The following PCNX2 variants were observed in gnomAD, a reference collection of about 807,000 sequenced individuals.
The protein encoded by PCNX2 is pecanex-like protein 2.
PCNX2 carries 168 observed loss-of-function variants against 223.8 expected under a neutral mutation model. The observed-to-expected ratio is 0.75, with a 90% CI of 0.66 to 0.85. The LOEUF (loss-of-function observed/expected upper bound fraction) is 0.85, where lower values mean the gene tolerates loss of function less well. Ranked by LOEUF, PCNX2 falls within the 40% of genes least tolerant of loss-of-function variation. The pLI is 0.00. For synonymous variants in PCNX2, 1,006 were observed against 1,052.6 expected (o/e 0.96, Z 0.86); for missense variants, 2,507 against 2,675.5 (o/e 0.94, Z 1.39).
chr1:233,177,811 T>C lies in PCNX2; in HGVS notation c.3264A>G (p.Lys1088=). The C allele has an allele frequency of 6.2e-7, 1 of 1,613,060 alleles. No individual in the cohort carries two copies. Among genetic ancestry groups the C allele is most frequent in the Non-Finnish European group, 8.5e-7 (1 of 1,179,076 alleles). Reference sequence around the variant, plus strand: ...AACGCAAATGTCTCACCACTGAATCTTTCATCTTCTTGGGGAGAGGGTCAG... The same window carrying C: ...AACGCAAATGTCTCACCACTGAATCCTTCATCTTCTTGGGGAGAGGGTCAG... ...SAADPLPKKM[K]DSVTDVLKWD... The change falls in exon 17 of 34, where the codon AAA becomes AAG. Residue 1088 remains lysine, a synonymous_variant. Transcript: ENST00000258229.
intron 21 of PCNX2, 41 bp downstream of exon 21, chr1:233,134,972 C>G (rs1434757655): frequency 1.2e-5 from 18 of 1,501,336 alleles, no homozygotes; most frequent in East Asian, 4.5e-5. Flanking sequence ...GAACAGCCCC[C>G]TTTAAAATGT....
chr1:233,259,456 T>C, intron 4 of PCNX2, 112 bp from the exon 5 acceptor site: 1 of 1,378,442 alleles, frequency 7.3e-7, no homozygotes, highest in Non-Finnish European at 9.6e-7. Flanking sequence ...CTAATGGAAT[T>C]AGATACTTTT....
Position 233,261,310 on chromosome 1 carries a change from T to G in PCNX2, c.492A>C (p.Ala164=). Residue 164 remains alanine (A), a synonymous_variant, in exon 4 of 34, where the codon GCA becomes GCC. Transcript: ENST00000258229. ...HHSSGPLELS[A]QETVEDLKGV... ...CTTTGAGATCTTCTACAGTTTCCTG[T>G]GCTGACAACTCCTACACAAATGAAA... The G allele has an allele frequency of 4.3e-6, 7 of 1,612,948 alleles. No homozygotes were observed. Among genetic ancestry groups the G allele is most frequent in the South Asian group, 1.1e-5 (1 of 91,064 alleles).
At chr1:233,084,193 T>C (rs917202068) in intron 23 of PCNX2, among the ~76,000 whole-genome samples, 4 of 152,224 alleles carry the variant, frequency 2.6e-5, no homozygotes, top group African/African-American at 4.8e-5. Flanking sequence ...GGGATTTTAA[T>C]TGTGGTTTGA....
At chr1:233,112,912 TA>T (rs1331246258) in intron 21 of PCNX2, 1 of 1,286,814 alleles carries the variant, frequency 7.8e-7, no homozygotes, top group Non-Finnish European at 1.0e-6. Flanking sequence ...TGAACTGCAG[TA>T]ACTTGCATGG....
At chr1:233,203,644 T>C (rs913051114) in intron 13 of PCNX2, among the ~76,000 whole-genome samples, 2 of 152,152 alleles carry the variant, frequency 1.3e-5, no homozygotes, top group African/African-American at 4.8e-5. Flanking sequence ...AGTTTCTCCA[T>C]CCTTCCCACC....
upstream of PCNX2, among the ~76,000 whole-genome samples, chr1:233,300,435 A>T (rs1427398156): frequency 6.6e-6 from 1 of 152,228 alleles, no homozygotes; most frequent in Non-Finnish European, 1.5e-5. Flanking sequence ...GTTCAGAGAC[A>T]TATCCAGGCT....
At chr1:233,237,616 C>T (rs1367783616) in intron 8 of PCNX2, among the ~76,000 whole-genome samples, 2 of 152,040 alleles carry the variant, frequency 1.3e-5, no homozygotes, top group East Asian at 3.9e-4. Context: ...TTTTCCTTTG[C>T]CTCAGAAAGC....
intron 19 of PCNX2, among the ~76,000 whole-genome samples, chr1:233,150,786 C>T (rs1369031984): frequency 6.6e-6 from 1 of 151,788 alleles, no homozygotes; most frequent in African/African-American, 2.4e-5. Flanking sequence ...AAAAATGTGT[C>T]CTTCACATTT....
chr1:233,208,299 T>C (rs540856288), intron 13 of PCNX2, among the ~76,000 whole-genome samples: 10 of 152,330 alleles, frequency 6.6e-5, no homozygotes, highest in African/African-American at 2.4e-4. Flanking sequence ...GTGCTGCAAC[T>C]TCTTGGTCAT....
intron 19 of PCNX2, among the ~76,000 whole-genome samples, chr1:233,158,253 C>T (rs970516176): frequency 6.6e-6 from 1 of 152,204 alleles, no homozygotes; most frequent in African/African-American, 2.4e-5. Context: ...AACTGCCACA[C>T]ACTAAGGGAA....
chr1:233,259,476 C>T (rs1659932793), intron 4 of PCNX2, 132 bp from the exon 5 acceptor site: 1 of 1,300,770 alleles, frequency 7.7e-7, no homozygotes, highest in Non-Finnish European at 1.0e-6. Flanking sequence ...TTTAATTTTA[C>T]TTTAAGTTCT....
intron 12 of PCNX2, among the ~76,000 whole-genome samples, chr1:233,212,346 C>G (rs965042122): frequency 1.3e-5 from 2 of 152,064 alleles, no homozygotes; most frequent in African/African-American, 4.8e-5. Context: ...TAATTCTCAC[C>G]GGTTTACTAT....
intron 15 of PCNX2, among the ~76,000 whole-genome samples, chr1:233,193,033 C>T (rs1018826547): frequency 1.4e-5 from 2 of 144,968 alleles, no homozygotes; most frequent in African/African-American, 5.1e-5. Flanking sequence ...TAATATATTT[C>T]AATAATATAT....
intron 15 of PCNX2, among the ~76,000 whole-genome samples, chr1:233,188,763 C>T (rs1021542731): frequency 1.3e-5 from 2 of 152,150 alleles, no homozygotes; most frequent in African/African-American, 4.8e-5. Context: ...CCTCATGATC[C>T]ACCCTCCTCA....
At chr1:233,200,042 A>G in intron 14 of PCNX2, 112 bp downstream of exon 14, 1 of 846,894 alleles carries the variant, frequency 1.2e-6, no homozygotes, top group South Asian at 2.0e-5. Context: ...AGTCATTTAA[A>G]TGCTCAGGAC....
At chr1:233,208,752 T>C (rs1681635691) in intron 12 of PCNX2, 63 bp from the exon 13 acceptor site, 1 of 1,425,154 alleles carries the variant, frequency 7.0e-7, no homozygotes, top group Non-Finnish European at 9.4e-7. Context: ...AAAAGCCTCA[T>C]AGTCAATAAT....
At chr1:233,230,463 T>C (rs1279862945) in intron 9 of PCNX2, among the ~76,000 whole-genome samples, 1 of 152,210 alleles carries the variant, frequency 6.6e-6, no homozygotes, top group Non-Finnish European at 1.5e-5. Context: ...ATGTCTCTGA[T>C]TCATTAAGCC....
At chr1:232,998,624 T>C (rs1669961216) in intron 31 of PCNX2, among the ~76,000 whole-genome samples, 186 bp from the exon 32 acceptor site, 1 of 152,196 alleles carries the variant, frequency 6.6e-6, no homozygotes, top group Non-Finnish European at 1.5e-5. Flanking sequence ...ATGAACAGAC[T>C]GCACCAGGAT....
Sources: gnomAD v4.1 joint callset for allele counts (sites outside exome capture counted in the v4.1 genomes callset) on GRCh38, gnomAD v4.1.1 for gene constraint, MANE v1.5 for transcripts, NCBI Gene and HGNC (gene_info 2026-07-23, HGNC 2026-07-21) for gene names.